The following TOX variants were observed in gnomAD, a reference collection of about 807,000 sequenced individuals.
TOX encodes the protein thymocyte selection associated high mobility group box.
In TOX, 11 loss-of-function variants were observed where a neutral mutation model predicts 53.7. The ratio of observed to expected loss-of-function variants is 0.20; its 90% confidence interval spans 0.13 to 0.34. TOX has a LOEUF of 0.34. Among genes scored for constraint, TOX ranks in the 10% least tolerant of loss-of-function variants. The pLI is 1.00. For synonymous variants in TOX, 225 were observed against 245.3 expected (o/e 0.92, Z 0.77); for missense variants, 570 against 664.6 (o/e 0.86, Z 1.56).
chr8:58,979,812 C>A (rs1813167302), intron 1 of TOX, among the ~76,000 whole-genome samples: 2 of 152,170 alleles, frequency 1.3e-5, no homozygotes, highest in Non-Finnish European at 1.5e-5. Context: ...GTGACCAATG[C>A]CTCACTTTTT....
At chr8:58,871,449 T>C (rs1431223882) in intron 3 of TOX, among the ~76,000 whole-genome samples, 1 of 152,100 alleles carries the variant, frequency 6.6e-6, no homozygotes, top group East Asian at 1.9e-4. Context: ...GGATGAAAAG[T>C]ATAATGTGAC....
chr8:58,817,926 G>T (rs541817165), intron 6 of TOX, among the ~76,000 whole-genome samples: 2 of 152,000 alleles, frequency 1.3e-5, no homozygotes, highest in Admixed American at 6.5e-5. Flanking sequence ...TTTGGCTAAA[G>T]AAATAAAAAT....
chr8:59,009,311 C>T (rs1207071997), intron 1 of TOX, among the ~76,000 whole-genome samples: 1 of 150,622 alleles, frequency 6.6e-6, no homozygotes, highest in African/African-American at 2.4e-5. Context: ...CCTCTCTTTC[C>T]TTCTTTCCTT....
chr8:59,036,316 C>T (rs1814458137), intron 1 of TOX, among the ~76,000 whole-genome samples: 3 of 152,162 alleles, frequency 2.0e-5, no homozygotes, highest in East Asian at 1.9e-4. Context: ...GAAACTATAT[C>T]GTTTGCCAGA....
chr8:58,970,931 A>C (rs949321473), intron 1 of TOX, among the ~76,000 whole-genome samples: 1 of 152,240 alleles, frequency 6.6e-6, no homozygotes, highest in Non-Finnish European at 1.5e-5. Context: ...GGGATACTGG[A>C]AAAAAGTTTC....
At chr8:58,956,444 AT>A (rs1812708853) in intron 2 of TOX, among the ~76,000 whole-genome samples, 1 of 152,162 alleles carries the variant, frequency 6.6e-6, no homozygotes, top group Admixed American at 6.5e-5. Context: ...TATTGTATAG[AT>A]TTAGGGTGTA....
chr8:58,838,512 C>T (rs1810587168), intron 4 of TOX, among the ~76,000 whole-genome samples: 1 of 151,904 alleles, frequency 6.6e-6, no homozygotes, highest in Non-Finnish European at 1.5e-5. Context: ...TCATCCTACT[C>T]CCAACTTTAC....
At chr8:58,871,427 G>A (rs1035105566) in intron 3 of TOX, among the ~76,000 whole-genome samples, 5 of 152,062 alleles carry the variant, frequency 3.3e-5, no homozygotes, top group Non-Finnish European at 7.4e-5. Context: ...TTAGGACATT[G>A]GGGGAATCTC....
Position 59,118,826 on chromosome 8 carries a change from C to T in TOX, c.102+60G>A. ...CGGCCCCGCCGCGGCCCGGCCACCG[C>T]CGCTCCCCTCCCAGGATCAAGCAGC... On this transcript the variant is annotated intron_variant, in intron 1 of 8. Transcript: ENST00000361421. The surrounding 1 kb of genome is among the most constrained non-coding windows in gnomAD (Gnocchi z 4.1). The T allele has an allele frequency of 7.1e-7, 1 of 1,405,014 alleles. No individual in the cohort carries two copies. Among genetic ancestry groups the T allele is most frequent in the South Asian group, 1.3e-5 (1 of 75,968 alleles). 87.0% of individuals were successfully genotyped at this position (1,405,014 alleles called of 1,614,324 possible). A position where few individuals can be genotyped will look rare whatever the true frequency, so the allele number is the denominator to read the frequency against.
At chr8:58,831,683 GGCCTGGT>G (rs1810456389) in intron 5 of TOX, among the ~76,000 whole-genome samples, 1 of 152,138 alleles carries the variant, frequency 6.6e-6, no homozygotes, top group Non-Finnish European at 1.5e-5. Flanking sequence ...ACAACTGCAA[GGCCTGGT>G]CTCTTTTGTT....
At chr8:59,094,683 C>T (rs1249807948) in intron 1 of TOX, among the ~76,000 whole-genome samples, 1 of 152,060 alleles carries the variant, frequency 6.6e-6, no homozygotes, top group Non-Finnish European at 1.5e-5. Context: ...TCCTGAGACA[C>T]AGTGCAGAAG....
intron 3 of TOX, among the ~76,000 whole-genome samples, chr8:58,923,297 G>A (rs949819845): frequency 2.6e-5 from 4 of 152,132 alleles, no homozygotes; most frequent in Non-Finnish European, 5.9e-5. Context: ...TGGTGAAGAA[G>A]GAAGCGATGA....
chr8:58,880,122 T>C (rs546386888), intron 3 of TOX, among the ~76,000 whole-genome samples: 9 of 152,292 alleles, frequency 5.9e-5, no homozygotes, highest in African/African-American at 1.9e-4. Flanking sequence ...GGATTATTCC[T>C]GGGACAAGGG....
chr8:59,039,136 T>C (rs1404194923), intron 1 of TOX, among the ~76,000 whole-genome samples: 1 of 152,238 alleles, frequency 6.6e-6, no homozygotes, highest in Non-Finnish European at 1.5e-5. Flanking sequence ...CGAACCACAC[T>C]GTGGTAATCC....
intron 1 of TOX, among the ~76,000 whole-genome samples, chr8:59,001,637 T>C (rs1378801766): frequency 2.0e-5 from 3 of 152,196 alleles, no homozygotes; most frequent in African/African-American, 7.2e-5. Flanking sequence ...TAAGGACCTC[T>C]AGAGTTAAGA....
At chr8:58,904,565 C>CAAGGGTA (rs1563385026) in intron 3 of TOX, among the ~76,000 whole-genome samples, 1 of 152,116 alleles carries the variant, frequency 6.6e-6, no homozygotes, top group Non-Finnish European at 1.5e-5. Flanking sequence ...CAAGCTCTAC[C>CAAGGGTA]CTGTATTCCT....
intron 1 of TOX, among the ~76,000 whole-genome samples, chr8:59,000,706 A>G (rs1813675261): frequency 6.6e-6 from 1 of 152,182 alleles, no homozygotes; most frequent in African/African-American, 2.4e-5. Context: ...ATAAAGAAAA[A>G]TTGAGAATTG....
intron 1 of TOX, among the ~76,000 whole-genome samples, chr8:59,025,881 C>T (rs1814227381): frequency 6.6e-6 from 1 of 152,208 alleles, no homozygotes; most frequent in African/African-American, 2.4e-5. Flanking sequence ...CCTTGCCTCA[C>T]TCTGATTCTA....
intron 1 of TOX, among the ~76,000 whole-genome samples, chr8:59,102,784 A>C (rs2129424488): frequency 6.6e-6 from 1 of 152,286 alleles, no homozygotes; most frequent in South Asian, 2.1e-4. Context: ...CCTGTGGTGG[A>C]AGGAAGAGAA....
Sources: allele counts gnomAD v4.1 joint callset (sites outside exome capture counted in the v4.1 genomes callset), GRCh38; gene constraint gnomAD v4.1.1; non-coding constraint Gnocchi (gnomAD v3.1); transcripts MANE v1.5; gene names NCBI Gene and HGNC (gene_info 2026-07-23, HGNC 2026-07-21).